The following TEX14 variants were observed in gnomAD, a reference collection of about 807,000 sequenced individuals.
TEX14 encodes the protein inactive serine/threonine-protein kinase TEX14.
A neutral mutation model predicts 178.6 loss-of-function variants in TEX14; 168 were observed. The ratio of observed to expected loss-of-function variants is 0.94; its 90% confidence interval spans 0.83 to 1.07. TEX14 has a LOEUF of 1.07. Among genes scored for constraint, TEX14 ranks in the 50% least tolerant of loss-of-function variants. The pLI is 0.00. For synonymous variants in TEX14, 626 were observed against 634.1 expected (o/e 0.99, Z 0.19); for missense variants, 1,730 against 1,753.6 (o/e 0.99, Z 0.24).
intron 19 of TEX14, chr17:58,581,557 A>G (rs1598355510): frequency 6.3e-7 from 1 of 1,589,192 alleles, no homozygotes. Flanking sequence ...AATAAAAGAA[A>G]TAAGGCAATG....
intron 10 of TEX14, among the ~76,000 whole-genome samples, chr17:58,606,268 A>T (rs964398466): frequency 6.6e-6 from 1 of 152,212 alleles, no homozygotes; most frequent in Non-Finnish European, 1.5e-5. Context: ...GAGATCATGG[A>T]TGTAGAAACA....
At chr17:58,662,078 A>G (rs1028969887) in intron 1 of TEX14, among the ~76,000 whole-genome samples, 2 of 151,864 alleles carry the variant, frequency 1.3e-5, no homozygotes, top group Non-Finnish European at 2.9e-5. Flanking sequence ...CTGTATGTCT[A>G]TATCTGTGTA....
intron 2 of TEX14, among the ~76,000 whole-genome samples, chr17:58,632,389 G>A (rs901454264): frequency 6.6e-6 from 1 of 151,886 alleles, no homozygotes; most frequent in African/African-American, 2.4e-5. Context: ...TCTGGTTTTC[G>A]CACTGTTGCC....
chr17:58,598,889 C>T lies in TEX14; in HGVS notation c.2456G>A (p.Arg819Lys). 6.3e-7 allele frequency: 1 copy of T among 1,597,436 alleles called. No homozygotes were observed. Among genetic ancestry groups the T allele is most frequent in the Non-Finnish European group, 8.5e-7 (1 of 1,172,820 alleles). ...DTSGNYPTLP[R>K]FPRMLPTLCD... ...AAAGTCTCTTACCATTCTTGGAAATCTTGGTAGGGTTGGGTAGTTGCCACT... is the reference window on the plus strand; with the variant it reads ...AAAGTCTCTTACCATTCTTGGAAATTTTGGTAGGGTTGGGTAGTTGCCACT... Residue 819 changes from arginine (R) to lysine (K), a missense_variant, in exon 14 of 32, where the codon AGA becomes AAA. Physicochemically the swap from Arg to Lys is conservative, Grantham distance 26. Around this residue, in one of 2 missense-constraint regions of TEX14, gnomAD observed 941 missense variants for 1,072.4 expected, o/e 0.88. Coordinates refer to ENST00000349033, the MANE Select transcript of TEX14 (RefSeq NM_031272.5).
At chr17:58,670,356 A>G (rs1467085361) in intron 1 of TEX14, among the ~76,000 whole-genome samples, 1 of 152,046 alleles carries the variant, frequency 6.6e-6, no homozygotes, top group Admixed American at 6.6e-5. Flanking sequence ...GTGTGTGTGT[A>G]ATGATTAGAA....
At chr17:58,684,416 C>G (rs986351187) in intron 1 of TEX14, among the ~76,000 whole-genome samples, 7 of 150,616 alleles carry the variant, frequency 4.6e-5, no homozygotes, top group African/African-American at 1.7e-4. Context: ...GAGCTGAGAT[C>G]ACACCATTGC....
At chr17:58,644,562 A>G (rs1363417058) in intron 2 of TEX14, among the ~76,000 whole-genome samples, 1 of 139,938 alleles carries the variant, frequency 7.1e-6, no homozygotes, top group Non-Finnish European at 1.5e-5. Context: ...CTGGTCTTGA[A>G]CTCCTGACCT....
intron 19 of TEX14, 53 bp downstream of exon 19, chr17:58,584,447 C>G (rs1264651883): frequency 2.6e-5 from 34 of 1,311,974 alleles, no homozygotes; most frequent in Non-Finnish European, 3.8e-5. Context: ...TAACTCAGTT[C>G]TATCTTATTA....
At chr17:58,586,154 A>C in intron 17 of TEX14, 72 bp from the exon 18 acceptor site, 1 of 1,433,678 alleles carries the variant, frequency 7.0e-7, no homozygotes, top group Non-Finnish European at 9.5e-7. Context: ...ATCTAAAAGA[A>C]ATACATAATA....
chr17:58,651,061 A>G (rs1433655561), intron 2 of TEX14, among the ~76,000 whole-genome samples: 1 of 152,206 alleles, frequency 6.6e-6, no homozygotes, highest in African/African-American at 2.4e-5. Context: ...TGAGCCCAGA[A>G]GTTCTAGACC....
At chr17:58,568,358 G>A (rs778000991) in intron 26 of TEX14, among the ~76,000 whole-genome samples, 5 of 152,194 alleles carry the variant, frequency 3.3e-5, no homozygotes, top group Non-Finnish European at 2.9e-5. Context: ...ACCCTGAAGA[G>A]AGCTGTCCAT....
At chr17:58,611,455 A>T in intron 9 of TEX14, 116 bp from the exon 10 acceptor site, 2 of 750,266 alleles carry the variant, frequency 2.7e-6, no homozygotes, top group Non-Finnish European at 4.3e-6. Flanking sequence ...AAGGATCCCC[A>T]TTTTACAGAT....
At chr17:58,641,018 C>A (rs1263283985) in intron 2 of TEX14, among the ~76,000 whole-genome samples, 1 of 152,146 alleles carries the variant, frequency 6.6e-6, no homozygotes, top group Non-Finnish European at 1.5e-5. Flanking sequence ...CCATACCCTG[C>A]CCATCAGTGG....
chr17:58,594,121 C>T (rs1447063358), intron 14 of TEX14, among the ~76,000 whole-genome samples: 1 of 152,080 alleles, frequency 6.6e-6, no homozygotes, highest in East Asian at 1.9e-4. Context: ...GCGTGAGCCA[C>T]TGTGCCCAGC....
chr17:58,590,193 G>T (rs548973194), intron 15 of TEX14, among the ~76,000 whole-genome samples: 1 of 150,442 alleles, frequency 6.6e-6, no homozygotes, highest in Non-Finnish European at 1.5e-5. Flanking sequence ...CCCAGGAGGC[G>T]GAGGTTGCAG....
chr17:58,629,959 G>A lies in TEX14; in HGVS notation c.251+481C>T, dbSNP rs542399868. 2.3e-4 allele frequency among the ~76,000 whole-genome samples: 31 copies of A among 132,708 alleles called. 1 individual carries two copies. In the East Asian group the frequency reaches 5.4e-3, roughly 23 times the overall value. The allele number at this position is 132,708 out of a possible 152,430, so 87.1% of individuals were successfully genotyped here. A position where few individuals can be genotyped will look rare whatever the true frequency, so the allele number is the denominator to read the frequency against. ...GACGGAGTTTTGCTCTTCCCACCTCGGCCTCCCAAAGTGCTGGGATTACAG... is the reference window on the plus strand; with the variant it reads ...GACGGAGTTTTGCTCTTCCCACCTCAGCCTCCCAAAGTGCTGGGATTACAG... On this transcript the variant is annotated intron_variant, in intron 3 of 31. Transcript: ENST00000349033.
intron 15 of TEX14, among the ~76,000 whole-genome samples, chr17:58,588,855 A>C (rs1029940199): frequency 6.6e-6 from 1 of 152,158 alleles, no homozygotes; most frequent in South Asian, 2.1e-4. Flanking sequence ...ACTTGAGCTC[A>C]GGAGGTCAAG....
At chr17:58,659,294 C>T (rs1210737929) in intron 1 of TEX14, 60 of 965,016 alleles carry the variant, frequency 6.2e-5, no homozygotes, top group East Asian at 1.1e-4. Flanking sequence ...CTCTCCCCCG[C>T]CACAAAGACA....
At chr17:58,691,352 G>A (rs1217931244) in intron 1 of TEX14, among the ~76,000 whole-genome samples, 3 of 151,724 alleles carry the variant, frequency 2.0e-5, no homozygotes, top group Non-Finnish European at 4.4e-5. Flanking sequence ...TCTAAGCTGG[G>A]AAGAAAAGTC....
Sources: gnomAD v4.1 joint callset for allele counts (sites outside exome capture counted in the v4.1 genomes callset) on GRCh38, gnomAD v4.1.1 for gene constraint, gnomAD v4.1.1 regional missense constraint, MANE v1.5 for transcripts, NCBI Gene and HGNC (gene_info 2026-07-23, HGNC 2026-07-21) for gene names.